Variants in CDC14A observed in about 807,000 individuals in gnomAD.
CDC14A encodes the protein dual specificity protein phosphatase CDC14A.
Under a neutral mutation model 74.4 loss-of-function variants are expected in CDC14A, and 53 were observed. The observed-to-expected ratio is 0.71, with a 90% CI of 0.57 to 0.89. The LOEUF is 0.89. Among genes scored for constraint, CDC14A ranks in the 40% least tolerant of loss-of-function variants. The pLI is 0.00. For missense variants in CDC14A, 646 were observed against 713.7 expected, an observed-to-expected ratio of 0.91 and a Z score of 1.08; for synonymous variants, 247 against 258.4, an observed-to-expected ratio of 0.96 and a Z score of 0.43.
intron 4 of CDC14A, among the ~76,000 whole-genome samples, chr1:100,420,225 C>T (rs988763571): frequency 7.4e-6 from 1 of 135,156 alleles, no homozygotes; most frequent in African/African-American, 2.8e-5. Flanking sequence ...AGATCATTAG[C>T]AAATTCATGA....
chr1:100,475,642 G>T (rs1038292187), intron 10 of CDC14A, among the ~76,000 whole-genome samples: 5 of 152,174 alleles, frequency 3.3e-5, no homozygotes, highest in African/African-American at 1.2e-4. Flanking sequence ...GATGTCCAAG[G>T]CTGAGGGGCT....
At chr1:100,513,837 CT>C (rs1306809513) in intron 15 of CDC14A, among the ~76,000 whole-genome samples, 1 of 152,070 alleles carries the variant, frequency 6.6e-6, no homozygotes, top group Non-Finnish European at 1.5e-5. Context: ...TTACCTAACA[CT>C]TTGTTTTATG....
intron 13 of CDC14A, among the ~76,000 whole-genome samples, chr1:100,497,809 C>G (rs1277746779): frequency 1.3e-5 from 2 of 152,150 alleles, no homozygotes; most frequent in Non-Finnish European, 2.9e-5. Flanking sequence ...AACTTTTCCT[C>G]TGTGTTTTTG....
At chr1:100,400,743 T>C (rs1456872759) in intron 4 of CDC14A, among the ~76,000 whole-genome samples, 1 of 152,228 alleles carries the variant, frequency 6.6e-6, no homozygotes, top group Non-Finnish European at 1.5e-5. Flanking sequence ...CTTCTGCATA[T>C]GGGTAGAGCA....
intron 15 of CDC14A, chr1:100,504,997 T>C (rs1471070719): frequency 7.3e-7 from 1 of 1,367,656 alleles, no homozygotes; most frequent in Non-Finnish European, 9.8e-7. Flanking sequence ...ATTATATACA[T>C]GAACATCTAT....
chr1:100,492,512 A>T lies in CDC14A; in HGVS notation c.1138-2306A>T, dbSNP rs145382747. Among the ~76,000 whole-genome samples the T allele has an allele frequency of 2.8e-3, 427 of 152,296 alleles. 1 individual carries two copies. The highest frequency in any genetic ancestry group is 6.5e-3 in the Admixed American group (100 of 15,298). ...AGACAGGATGCAGCTCTTCTAGCTCACTGTCACCACCACTTCCCAATATAA... is the reference window on the plus strand; with the variant it reads ...AGACAGGATGCAGCTCTTCTAGCTCTCTGTCACCACCACTTCCCAATATAA... On this transcript the variant is annotated intron_variant, in intron 11 of 15. Coordinates refer to ENST00000336454, the MANE Select transcript of CDC14A (RefSeq NM_003672.4).
chr1:100,360,359 T>TC (rs563270890), intron 2 of CDC14A, among the ~76,000 whole-genome samples: 212 of 151,704 alleles, frequency 1.4e-3, no homozygotes, highest in African/African-American at 5.0e-3. Context: ...TTTTTTTTTT[T>TC]TTGAAACAGG....
intron 13 of CDC14A, among the ~76,000 whole-genome samples, chr1:100,496,929 C>T (rs1321566819): frequency 6.6e-6 from 1 of 152,142 alleles, no homozygotes; most frequent in Non-Finnish European, 1.5e-5. Flanking sequence ...CCCTGGCTCT[C>T]CAGATTTGAG....
At chr1:100,410,496 T>C (rs140895659) in intron 4 of CDC14A, among the ~76,000 whole-genome samples, 3,519 of 133,422 alleles carry the variant, frequency 0.026, 137 homozygotes, top group African/African-American at 0.12. Context: ...AATTTTTGTA[T>C]TTTAGTAGAG....
At chr1:100,377,519 A>G (rs1428299578) in intron 2 of CDC14A, 27 bp from the exon 3 acceptor site, 1 of 1,521,564 alleles carries the variant, frequency 6.6e-7, no homozygotes, top group Admixed American at 1.7e-5. Context: ...ACTAAATACT[A>G]CGTTTTTTGT....
At chr1:100,437,141 A>G (rs1019180924) in intron 5 of CDC14A, among the ~76,000 whole-genome samples, 1 of 152,156 alleles carries the variant, frequency 6.6e-6, no homozygotes, top group African/African-American at 2.4e-5. Flanking sequence ...AGCCAAGATC[A>G]TACCACTGCA....
intron 5 of CDC14A, among the ~76,000 whole-genome samples, chr1:100,427,913 A>T (rs1006606097): frequency 1.3e-5 from 2 of 152,160 alleles, no homozygotes; most frequent in African/African-American, 4.8e-5. Context: ...GTAGGAGAAG[A>T]TGTTAGGAAT....
intron 5 of CDC14A, among the ~76,000 whole-genome samples, chr1:100,431,212 G>A (rs1395925295): frequency 2.0e-5 from 3 of 152,178 alleles, no homozygotes; most frequent in South Asian, 2.1e-4. Flanking sequence ...AACTCACATG[G>A]AGGTGAGTTA....
intron 15 of CDC14A, among the ~76,000 whole-genome samples, chr1:100,502,501 A>G (rs1005444204): frequency 1.3e-5 from 2 of 152,354 alleles, no homozygotes; most frequent in South Asian, 2.1e-4. Flanking sequence ...CTAGGTTTGT[A>G]TAAGTGCACT....
chr1:100,352,968 C>T lies in CDC14A; in HGVS notation c.14C>T (p.Ser5Leu), dbSNP rs780359367. The T allele has an allele frequency of 6.2e-7, 1 of 1,614,084 alleles. No homozygotes were observed. Among genetic ancestry groups the T allele is most frequent in the Non-Finnish European group, 8.5e-7 (1 of 1,180,018 alleles). The change falls in exon 1 of 16, where the codon TCA becomes TTA. Residue 5 changes from serine (S) to leucine (L), a missense_variant. Transcript: ENST00000336454. MAAESGELIGACEFM... is the reference protein window; with the variant it reads MAAELGELIGACEFM... The stretch of plus-strand genomic sequence containing the variant: ...ATCTCGCTTAAGATGGCAGCGGAGT[C>T]AGGGGAACTAATCGGGGCTTGTGAG...
At chr1:100,436,212 G>A (rs1380152285) in intron 5 of CDC14A, among the ~76,000 whole-genome samples, 1 of 152,048 alleles carries the variant, frequency 6.6e-6, no homozygotes, top group African/African-American at 2.4e-5. Flanking sequence ...TGTCTCCCAG[G>A]GCCAACCATT....
intron 4 of CDC14A, among the ~76,000 whole-genome samples, chr1:100,406,931 A>G (rs1309973727): frequency 1.5e-5 from 2 of 133,234 alleles, no homozygotes; most frequent in Admixed American, 7.5e-5. Context: ...TGTCTCAAAT[A>G]AAAAAAAAAA....
chr1:100,355,567 A>T (rs1651763381), intron 2 of CDC14A, among the ~76,000 whole-genome samples: 1 of 152,192 alleles, frequency 6.6e-6, no homozygotes, highest in Non-Finnish European at 1.5e-5. Flanking sequence ...ATAAGGAAAG[A>T]CTTGCTGGAG....
rs1473279673 is a variant in CDC14A at position 100,468,306 on chromosome 1, G to GA, written c.977+216dup. 3.9e-5 allele frequency among the ~76,000 whole-genome samples: 6 copies of GA among 152,296 alleles called. No homozygotes were observed. In the East Asian group the frequency reaches 1.2e-3, roughly 29 times the overall value. ...CTCTTAGATCAGGTGAGAGTGAGAA[G>GA]AAAATCACAGAGCCATCTCTGCCTA... On this transcript the variant is annotated intron_variant, in intron 10 of 15. Transcript: ENST00000336454.
Sources: gnomAD v4.1 joint callset for allele counts (sites outside exome capture counted in the v4.1 genomes callset) on GRCh38, gnomAD v4.1.1 for gene constraint, MANE v1.5 for transcripts, NCBI Gene and HGNC (gene_info 2026-07-23, HGNC 2026-07-21) for gene names.